The following CNTNAP2 variants were observed in gnomAD, a reference collection of about 807,000 sequenced individuals.
CNTNAP2 encodes contactin associated protein 2.
Under a neutral mutation model 155.2 loss-of-function variants are expected in CNTNAP2, and 98 were observed. That is an observed-to-expected ratio of 0.63 (90% CI 0.54 to 0.75). CNTNAP2 has a LOEUF of 0.75. CNTNAP2 is among the 30% of genes least tolerant of loss of function. CNTNAP2 has a pLI of 0.00. For missense variants in CNTNAP2, 1,727 were observed against 1,688.1 expected, an observed-to-expected ratio of 1.02 and a Z score of -0.40; for synonymous variants, 651 against 631.2, an observed-to-expected ratio of 1.03 and a Z score of -0.47.
intron 13 of CNTNAP2, among the ~76,000 whole-genome samples, chr7:147,741,955 G>T (rs775620003): frequency 1.3e-5 from 2 of 152,160 alleles, no homozygotes; most frequent in Non-Finnish European, 2.9e-5. Flanking sequence ...ACAATTTCAC[G>T]TGGCTGGGGA....
intron 1 of CNTNAP2, among the ~76,000 whole-genome samples, chr7:146,358,454 T>G (rs1795036619): frequency 6.6e-6 from 1 of 152,214 alleles, no homozygotes; most frequent in South Asian, 2.1e-4. Context: ...CTTTAGTCTA[T>G]AGTCCTCAAG....
At chr7:147,775,366 T>TATATAA (rs1797564514) in intron 13 of CNTNAP2, among the ~76,000 whole-genome samples, 1 of 34,950 alleles carries the variant, frequency 2.9e-5, no homozygotes, top group African/African-American at 4.6e-4. Context: ...TATTTATAAA[T>TATATAA]ATATATATAT....
chr7:146,229,702 T>C (rs1799353280), intron 1 of CNTNAP2, among the ~76,000 whole-genome samples: 1 of 144,602 alleles, frequency 6.9e-6, no homozygotes, highest in South Asian at 2.3e-4. Context: ...CAGTTTATTT[T>C]TCAGCCTATG....
intron 1 of CNTNAP2, among the ~76,000 whole-genome samples, chr7:146,756,065 T>G (rs1436292886): frequency 6.6e-6 from 1 of 151,958 alleles, no homozygotes; most frequent in East Asian, 1.9e-4. Context: ...TCTAAATTGA[T>G]TTTCTATGAA....
intron 1 of CNTNAP2, among the ~76,000 whole-genome samples, chr7:146,634,497 C>A (rs188147913): frequency 1.3e-5 from 2 of 152,244 alleles, no homozygotes; most frequent in Non-Finnish European, 2.9e-5. Flanking sequence ...ATATTGATTG[C>A]TCCCACTTTA....
At chr7:147,263,947 C>T (rs907669960) in intron 8 of CNTNAP2, among the ~76,000 whole-genome samples, 4 of 152,098 alleles carry the variant, frequency 2.6e-5, no homozygotes, top group African/African-American at 9.7e-5. Context: ...GGGGACATCG[C>T]ATTTGGCATG....
chr7:148,256,294 G>A (rs1390224698), intron 20 of CNTNAP2, among the ~76,000 whole-genome samples: 1 of 152,068 alleles, frequency 6.6e-6, no homozygotes, highest in Non-Finnish European at 1.5e-5. Context: ...TCTGCTCAAA[G>A]CCCCCAGAGA....
chr7:147,751,712 C>T (rs1375505358), intron 13 of CNTNAP2, among the ~76,000 whole-genome samples: 1 of 152,212 alleles, frequency 6.6e-6, no homozygotes, highest in Non-Finnish European at 1.5e-5. Context: ...TATACACAGC[C>T]TATGATAATC....
rs572782308 is a variant in CNTNAP2, at chr7:147,108,442, T to C, written c.754+92T>C. 121 of 1,085,658 alleles carry C rather than the reference T, an allele frequency of 1.1e-4. No individual in the cohort carries two copies. The East Asian group carries it at 2.6e-3, about 23-fold the overall frequency. The allele number at this position is 1,085,658 out of a possible 1,614,324, so 67.3% of individuals were successfully genotyped here. A position where few individuals can be genotyped will look rare whatever the true frequency, so the allele number is the denominator to read the frequency against. ...GCTCAATTCTTTAAAATGTAAATTA[T>C]AAAAAGAGCTCATGTTATATTTCAA... is the stretch of plus-strand genomic sequence containing the variant. On this transcript the variant is annotated intron_variant, in intron 5 of 23. Coordinates refer to ENST00000361727, the MANE Select transcript of CNTNAP2 (RefSeq NM_014141.6).
intron 18 of CNTNAP2, among the ~76,000 whole-genome samples, chr7:148,182,985 T>C (rs921805717): frequency 2.0e-5 from 3 of 152,242 alleles, no homozygotes; most frequent in African/African-American, 7.2e-5. Context: ...TTCTACATTC[T>C]GTGTGAACGA....
chr7:148,066,715 G>T (rs1193515542), intron 15 of CNTNAP2, among the ~76,000 whole-genome samples: 1 of 151,988 alleles, frequency 6.6e-6, no homozygotes. Context: ...AGCCAGGATG[G>T]TCTCGATCTC....
chr7:147,815,571 A>G, intron 13 of CNTNAP2, among the ~76,000 whole-genome samples: 1 of 152,116 alleles, frequency 6.6e-6, no homozygotes, highest in Non-Finnish European at 1.5e-5. Context: ...CTCTACTTTT[A>G]AGGGTTCATA....
At chr7:146,931,482 C>A in intron 3 of CNTNAP2, among the ~76,000 whole-genome samples, 1 of 149,662 alleles carries the variant, frequency 6.7e-6, no homozygotes, top group Non-Finnish European at 1.5e-5. Context: ...CAAAAGAAAG[C>A]AGAAAAGATC....
chr7:147,980,606 G>C (rs1264549205), intron 15 of CNTNAP2, among the ~76,000 whole-genome samples: 1 of 152,038 alleles, frequency 6.6e-6, no homozygotes, highest in Non-Finnish European at 1.5e-5. Flanking sequence ...GCAGTCAGCA[G>C]TTGTGAAGCC....
chr7:148,266,939 G>C lies in CNTNAP2; in HGVS notation c.3382-94G>C, dbSNP rs1585228557. On this transcript the variant is annotated intron_variant, in intron 20 of 23. Coordinates refer to ENST00000361727, the MANE Select transcript of CNTNAP2 (RefSeq NM_014141.6). ...ATGAAATAAGATATCAGAAAACCAG[G>C]GTTCAAAGAGTGATGTCATCCCCAC... 10 of 1,134,392 alleles carry C rather than the reference G, an allele frequency of 8.8e-6. No individual in the cohort carries two copies. The East Asian group carries it at 2.3e-4, about 27-fold the overall frequency. The allele number at this position is 1,134,392 out of a possible 1,614,324, so 70.3% of individuals were successfully genotyped here.
intron 9 of CNTNAP2, among the ~76,000 whole-genome samples, chr7:147,381,205 T>C (rs1476375505): frequency 1.3e-5 from 2 of 152,110 alleles, no homozygotes; most frequent in Non-Finnish European, 2.9e-5. Context: ...GAATTGGGTA[T>C]TATTAATTCC....
chr7:147,145,014 G>C lies in CNTNAP2; in HGVS notation c.1348+12505G>C, dbSNP rs181319769. The stretch of plus-strand genomic sequence containing the variant: ...TGCCACGTTTGAATGATTTAGAATA[G>C]AAAAGATTAAATCAGTAAGATGATA... On this transcript the variant is annotated intron_variant, in intron 8 of 23. Coordinates refer to ENST00000361727, the MANE Select transcript of CNTNAP2 (RefSeq NM_014141.6). 2.8e-4 allele frequency among the ~76,000 whole-genome samples: 43 copies of C among 152,282 alleles called. 1 individual carries two copies. In the South Asian group the frequency reaches 6.4e-3, roughly 23 times the overall value.
chr7:147,772,477 T>C (rs1378867384), intron 13 of CNTNAP2, among the ~76,000 whole-genome samples: 1 of 105,164 alleles, frequency 9.5e-6, no homozygotes, highest in African/African-American at 4.2e-5. Context: ...TATATATATA[T>C]ATATATACAC....
intron 3 of CNTNAP2, among the ~76,000 whole-genome samples, chr7:146,972,953 A>G (rs1797832389): frequency 1.3e-5 from 2 of 152,250 alleles, no homozygotes; most frequent in Admixed American, 1.3e-4. Context: ...GCAACTGGTC[A>G]CATGTGGCTA....
Sources: allele counts gnomAD v4.1 joint callset (sites outside exome capture counted in the v4.1 genomes callset), GRCh38; gene constraint gnomAD v4.1.1; transcripts MANE v1.5; gene names NCBI Gene and HGNC (gene_info 2026-07-23, HGNC 2026-07-21).